The following USP26 variants were observed in gnomAD, a reference collection of about 807,000 sequenced individuals.
The protein encoded by USP26 is ubiquitin specific peptidase 26.
For synonymous variants in USP26, 236 were observed against 240.6 expected, an observed-to-expected ratio of 0.98 and a Z score of 0.18; for missense variants, 649 against 642.3, an observed-to-expected ratio of 1.01 and a Z score of -0.11.
At chrX:133,091,637 AGAGTCAGTATCATG>A (rs1420699894) in intron 1 of USP26, among the ~76,000 whole-genome samples, 194 bp from the exon 2 acceptor site, 1 of 111,762 alleles carries the variant, frequency 8.9e-6, no homozygotes, top group Non-Finnish European at 1.9e-5. Context: ...TTGTAGAAAC[AGAGTCAGTATCATG>A]GAGTCAGCAG....
chrX:133,088,626 T>A lies in USP26; in HGVS notation c.-142+1487A>T, dbSNP rs780245811. 8.9e-5 allele frequency among the ~76,000 whole-genome samples: 10 copies of A among 111,969 alleles called. No individual in the cohort carries two copies. The South Asian group carries it at 3.7e-3, about 42-fold the overall frequency. ...TCAAGAAGCCAGGTCCCACTTTAAGTTCTGAATAGGGTCACTTTCACCTTT... is the reference window on the plus strand; with the variant it reads ...TCAAGAAGCCAGGTCCCACTTTAAGATCTGAATAGGGTCACTTTCACCTTT... On this transcript the variant is annotated intron_variant, in intron 4 of 5. Coordinates refer to ENST00000511190, the MANE Select transcript of USP26 (RefSeq NM_031907.3).
chrX:133,095,402 T>C (rs762707666), intron 1 of USP26, among the ~76,000 whole-genome samples: 70 of 111,829 alleles, frequency 6.3e-4, no homozygotes, highest in Non-Finnish European at 1.1e-3. Context: ...AATTGTGCAT[T>C]TGTAAATCAA....
In USP26 at chrX:133,026,736, T is replaced by C. The variant is rs772718014; in HGVS notation, c.1485A>G (p.Lys495=). ...LFFGAEELEY[K]CAKCEHKTSV... ...AAGTCTTGTGCTCACATTTTGCACA[T>C]TTATACTCAAGCTCTTCTGCTCCAA... Residue 495 remains lysine, a synonymous_variant, in exon 6 of 6, where the codon AAA becomes AAG. Coordinates refer to ENST00000511190, the MANE Select transcript of USP26 (RefSeq NM_031907.3). The C allele has an allele frequency of 1.7e-6, 2 of 1,210,708 alleles. No individual in the cohort carries two copies. The highest frequency in any genetic ancestry group is 1.8e-5 in the South Asian group (1 of 56,909).
intron 5 of USP26, among the ~76,000 whole-genome samples, chrX:133,041,413 C>T (rs1002223516): frequency 1.8e-5 from 2 of 111,596 alleles, no homozygotes; most frequent in Admixed American, 9.5e-5. Context: ...GATGTTGTTG[C>T]TTTCTGTTTG....
At chrX:133,032,943 A>C (rs2067383124) in intron 5 of USP26, among the ~76,000 whole-genome samples, 1 of 111,006 alleles carries the variant, frequency 9.0e-6, no homozygotes, top group Non-Finnish European at 1.9e-5. Context: ...TTCTCCTCCC[A>C]CCTTCCTTTC....
intron 1 of USP26, among the ~76,000 whole-genome samples, chrX:133,093,047 A>G (rs2067613134): frequency 8.9e-6 from 1 of 111,758 alleles, no homozygotes; most frequent in African/African-American, 3.3e-5. Context: ...TCTTGAGCCC[A>G]GGAGTTGGAG....
Position 133,027,113 on chromosome X carries a change from C to T in USP26, c.1108G>A (p.Ala370Thr). The change falls in exon 6 of 6, where the codon GCA becomes ACA. Residue 370 changes from alanine (A) to threonine (T), a missense_variant. Ala to Thr is a moderately conservative substitution (Grantham distance 58). Coordinates refer to ENST00000511190, the MANE Select transcript of USP26 (RefSeq NM_031907.3). ...TTGCCATGGAATATCTCTGCAGCTG[C>T]TGAAATGGCCTTTTTAAGATTCAAG... is the stretch of plus-strand genomic sequence containing the variant. ...LLLNLKKAIS[A>T]AAEIFHGNAQ... 3.3e-6 allele frequency: 4 copies of T among 1,210,240 alleles called. No homozygotes were observed. Among genetic ancestry groups the T allele is most frequent in the Non-Finnish European group, 4.5e-6 (4 of 894,415 alleles).
At chrX:133,069,115 A>G (rs1272285542) in intron 5 of USP26, among the ~76,000 whole-genome samples, 3 of 111,716 alleles carry the variant, frequency 2.7e-5, no homozygotes, top group Non-Finnish European at 5.6e-5. Flanking sequence ...TATAAAAATC[A>G]GTTGTAGCAC....
At chrX:133,053,696 C>G (rs1347039937) in intron 5 of USP26, among the ~76,000 whole-genome samples, 13 of 111,586 alleles carry the variant, frequency 1.2e-4, no homozygotes, top group Non-Finnish European at 9.4e-5. Context: ...GTAAGTAAAT[C>G]CTGCACGGCA....
At position 133,026,856 on chromosome X, in the gene USP26, A is replaced by G. The variant is rs368871497; in HGVS notation, c.1365T>C (p.Ile455=). Residue 455 remains isoleucine, a synonymous_variant, in exon 6 of 6, where the codon ATT becomes ATC. Transcript: ENST00000511190. The part of the protein sequence containing the change: ...SIACKACGQV[I]LKTELNNYLS... ...GGTAATTATTCAGTTCTGTCTTGAG[A>G]ATAACCTGACCACAAGCTTTACAAG... is the stretch of plus-strand genomic sequence containing the variant. 10 of 1,211,415 alleles carry G rather than the reference A, an allele frequency of 8.3e-6. No individual in the cohort carries two copies. Among genetic ancestry groups the G allele is most frequent in the Non-Finnish European group, 1.0e-5 (9 of 895,211 alleles).
rs895407744 is a variant in USP26 at position 133,025,961 on chromosome X, G to A, written c.2260C>T (p.Gln754Ter). 1 of 1,211,483 alleles carries A rather than the reference G, an allele frequency of 8.3e-7. No homozygotes were observed. Among genetic ancestry groups the A allele is most frequent in the Non-Finnish European group, 1.1e-6 (1 of 895,449 alleles). The part of the protein sequence containing the change: ...GMRICEQAPQ[Q>*]ALPQSFPKPG... ...TTTGGAAAGCTTTGAGGCAGTGCCT[G>A]CTGAGGGGCTTGTTCACAGATTCTC... The change falls in exon 6 of 6, where the codon CAG (glutamine) becomes TAG (stop). Residue 754 changes from glutamine (Q) to a stop codon, truncating the protein, a stop_gained. Transcript: ENST00000511190. LOFTEE classifies it low-confidence loss of function (END_TRUNC).
At chrX:133,047,464 T>G (rs1466479906) in intron 5 of USP26, among the ~76,000 whole-genome samples, 1 of 112,606 alleles carries the variant, frequency 8.9e-6, no homozygotes, top group Non-Finnish European at 1.9e-5. Flanking sequence ...TTCATTAACA[T>G]GAGTCTACTG....
intron 5 of USP26, among the ~76,000 whole-genome samples, chrX:133,060,543 C>T (rs1029837509): frequency 2.7e-5 from 3 of 110,720 alleles, no homozygotes; most frequent in African/African-American, 9.8e-5. Context: ...ATTATCAGTC[C>T]AGGAGGCACT....
At chrX:133,033,249 G>T (rs940730872) in intron 5 of USP26, among the ~76,000 whole-genome samples, 2 of 111,937 alleles carry the variant, frequency 1.8e-5, no homozygotes, top group African/African-American at 6.5e-5. Flanking sequence ...TTTTCAAAAT[G>T]ATTGGATCAG....
chrX:133,038,434 T>G (rs757511677), intron 5 of USP26, among the ~76,000 whole-genome samples: 1 of 112,222 alleles, frequency 8.9e-6, no homozygotes, highest in Non-Finnish European at 1.9e-5. Flanking sequence ...ATGTGGTTTT[T>G]GTCATTGGTT....
At chrX:133,076,876 T>G (rs955611733) in intron 5 of USP26, among the ~76,000 whole-genome samples, 18 of 112,315 alleles carry the variant, frequency 1.6e-4, no homozygotes, top group Non-Finnish European at 3.4e-4. Flanking sequence ...GCCATTCAGA[T>G]AAGCCACACT....
At chrX:133,034,807 A>G in intron 5 of USP26, among the ~76,000 whole-genome samples, 1 of 110,873 alleles carries the variant, frequency 9.0e-6, no homozygotes, top group Admixed American at 9.5e-5. Context: ...GCTCAAGACT[A>G]CAGTGAGCTG....
intron 4 of USP26, among the ~76,000 whole-genome samples, chrX:133,086,683 G>A (rs1018414266): frequency 3.2e-4 from 35 of 110,402 alleles, no homozygotes; most frequent in Middle Eastern, 4.7e-3. Flanking sequence ...AGGCCAAGGC[G>A]GGCGGATCAT....
At chrX:133,049,391 T>A (rs2067451520) in intron 5 of USP26, among the ~76,000 whole-genome samples, 1 of 112,181 alleles carries the variant, frequency 8.9e-6, no homozygotes, top group African/African-American at 3.2e-5. Flanking sequence ...TCCTCATAGC[T>A]AGGGACTGAA....
Sources: allele counts gnomAD v4.1 joint callset (sites outside exome capture counted in the v4.1 genomes callset), GRCh38; gene constraint gnomAD v4.1.1; transcripts MANE v1.5; gene names NCBI Gene and HGNC (gene_info 2026-07-23, HGNC 2026-07-21).